WDR70: variants seen among roughly 807,000 people sequenced by gnomAD.
WDR70 encodes WD repeat domain 70.
In WDR70, 53 loss-of-function variants were observed where a neutral mutation model predicts 88.6. That is an observed-to-expected ratio of 0.60 (90% CI 0.48 to 0.75). The LOEUF is 0.75. Among genes scored for constraint, WDR70 ranks in the 30% least tolerant of loss-of-function variants. WDR70 has a pLI of 0.00. For synonymous variants in WDR70, 280 were observed against 270.0 expected, an observed-to-expected ratio of 1.04 and a Z score of -0.36; for missense variants, 610 against 823.2, an observed-to-expected ratio of 0.74 and a Z score of 3.17.
chr5:37,439,853 AT>A (rs1750600455), intron 6 of WDR70, among the ~76,000 whole-genome samples: 1 of 152,108 alleles, frequency 6.6e-6, no homozygotes, highest in Non-Finnish European at 1.5e-5. Context: ...ACCTGACTTC[AT>A]ATGATTTCAT....
rs1391701339 is a variant in WDR70, at chr5:37,428,027, C to A, written c.493-9895C>A. On this transcript the variant is annotated intron_variant, in intron 5 of 17. Transcript: ENST00000265107. ...TCCTCCTTTTTTTTTTTTTTCCCTG[C>A]TGTCTGGAAACCACAGCAGCCTTTT... is the stretch of plus-strand genomic sequence containing the variant. Among the ~76,000 whole-genome samples, 3 of 143,976 alleles carry A rather than the reference C, an allele frequency of 2.1e-5. No homozygotes were observed. In the East Asian group the frequency reaches 6.2e-4, roughly 30 times the overall value. 94.5% of individuals were successfully genotyped at this position (143,976 alleles called of 152,430 possible).
At chr5:37,539,142 C>T (rs1027425152) in intron 9 of WDR70, among the ~76,000 whole-genome samples, 2 of 152,196 alleles carry the variant, frequency 1.3e-5, no homozygotes, top group African/African-American at 2.4e-5. Flanking sequence ...GCTTTCGCCT[C>T]CATATCCAGC....
chr5:37,636,637 A>T (rs892222604), intron 10 of WDR70, among the ~76,000 whole-genome samples: 3 of 152,232 alleles, frequency 2.0e-5, no homozygotes, highest in African/African-American at 7.2e-5. Context: ...ATATGAAGGC[A>T]TAACAACACT....
At chr5:37,488,369 C>T (rs1256384781) in intron 8 of WDR70, among the ~76,000 whole-genome samples, 3 of 151,904 alleles carry the variant, frequency 2.0e-5, no homozygotes, top group Non-Finnish European at 2.9e-5. Flanking sequence ...AAGTTTTCAA[C>T]GATTATTTTA....
rs114368121 is a variant in WDR70, at chr5:37,653,050, C to T, written c.1093-44605C>T. On this transcript the variant is annotated intron_variant, in intron 10 of 17. Transcript: ENST00000265107. Reference sequence around the variant, plus strand: ...AAAGGGAATGCTTCCAGCTTTTTCCCGTTCAGTGTGATACTGGCTGTGAGT... The same window carrying T: ...AAAGGGAATGCTTCCAGCTTTTTCCTGTTCAGTGTGATACTGGCTGTGAGT... Among the ~76,000 whole-genome samples the T allele has an allele frequency of 8.3e-3, 1,258 of 152,198 alleles. 12 individuals carry two copies. The highest frequency in any genetic ancestry group is 0.021 in the African/African-American group (855 of 41,510).
chr5:37,721,483 C>T (rs776689169), intron 14 of WDR70: 13 of 478,596 alleles, frequency 2.7e-5, no homozygotes, highest in East Asian at 1.1e-4. Flanking sequence ...GGGGGAAAAA[C>T]GTTCTGCCCA....
intron 10 of WDR70, among the ~76,000 whole-genome samples, chr5:37,665,912 T>C (rs779368243): frequency 5.9e-5 from 9 of 152,146 alleles, no homozygotes; most frequent in Non-Finnish European, 8.8e-5. Context: ...CTCCTCTGCT[T>C]CCTCACCCTC....
chr5:37,598,998 G>C (rs1743784437), intron 9 of WDR70, among the ~76,000 whole-genome samples: 1 of 152,148 alleles, frequency 6.6e-6, no homozygotes, highest in East Asian at 1.9e-4. Context: ...CCGCATAAAT[G>C]CATCACAGAG....
rs538072929 is a variant in WDR70 at position 37,518,330 on chromosome 5, C to G, written c.917+1740C>G. 9.0e-4 allele frequency among the ~76,000 whole-genome samples: 136 copies of G among 151,878 alleles called. 1 individual carries two copies. The highest frequency in any genetic ancestry group is 3.2e-3 in the African/African-American group (131 of 41,416). Reference sequence around the variant, plus strand: ...CTATTTTTTTTTTTAACCCATTAACCATCCTTAACTCATTCCCATACTCCG... The same window carrying G: ...CTATTTTTTTTTTTAACCCATTAACGATCCTTAACTCATTCCCATACTCCG... On this transcript the variant is annotated intron_variant, in intron 9 of 17. Coordinates refer to ENST00000265107, the MANE Select transcript of WDR70 (RefSeq NM_018034.4).
intron 10 of WDR70, among the ~76,000 whole-genome samples, chr5:37,685,904 C>T (rs1407695265): frequency 1.3e-5 from 2 of 152,160 alleles, no homozygotes; most frequent in Non-Finnish European, 2.9e-5. Context: ...TTCCCAGCTT[C>T]CTCCCCCTTC....
intron 13 of WDR70, among the ~76,000 whole-genome samples, chr5:37,705,705 G>A (rs1449622575): frequency 3.3e-5 from 5 of 151,956 alleles, no homozygotes; most frequent in African/African-American, 1.2e-4. Context: ...AGAGCCAAAA[G>A]ACACCTCTTT....
chr5:37,466,477 C>A (rs185879043), intron 7 of WDR70, among the ~76,000 whole-genome samples: 2,983 of 151,914 alleles, frequency 0.02, 64 homozygotes, highest in African/African-American at 0.068. Context: ...GAGGCCGAGG[C>A]GGGCAGATCA....
At chr5:37,413,390 A>G (rs1749583994) in intron 5 of WDR70, among the ~76,000 whole-genome samples, 1 of 152,162 alleles carries the variant, frequency 6.6e-6, no homozygotes, top group Non-Finnish European at 1.5e-5. Flanking sequence ...ATTCTCTCAA[A>G]TATATTTAAA....
chr5:37,575,758 C>T (rs923284397), intron 9 of WDR70, among the ~76,000 whole-genome samples: 3 of 152,104 alleles, frequency 2.0e-5, no homozygotes, highest in African/African-American at 4.8e-5. Context: ...GTTCTGTGAG[C>T]CCTTATAGCA....
At position 37,380,648 on chromosome 5, in the gene WDR70, A is replaced by G. The variant is rs1748397617; in HGVS notation, c.92-954A>G. On this transcript the variant is annotated intron_variant, in intron 2 of 17. Coordinates refer to ENST00000265107, the MANE Select transcript of WDR70 (RefSeq NM_018034.4). ...TGAGCCACTGTGCCCAGCCTTTTCTATTCTTTTTTTATTTTTTGAGATGGA... is the reference window on the plus strand; with the variant it reads ...TGAGCCACTGTGCCCAGCCTTTTCTGTTCTTTTTTTATTTTTTGAGATGGA... 1.3e-5 allele frequency among the ~76,000 whole-genome samples: 2 copies of G among 151,022 alleles called. 1 individual carries two copies. Among genetic ancestry groups the G allele is most frequent in the South Asian group, 4.2e-4 (2 of 4,782 alleles).
chr5:37,719,990 G>T (rs1048052372), intron 13 of WDR70, among the ~76,000 whole-genome samples: 1 of 151,800 alleles, frequency 6.6e-6, no homozygotes, highest in Admixed American at 6.6e-5. Context: ...CTACAGGCGC[G>T]TGCCACCATG....
At chr5:37,587,663 C>T (rs1261317261) in intron 9 of WDR70, among the ~76,000 whole-genome samples, 1 of 152,078 alleles carries the variant, frequency 6.6e-6, no homozygotes, top group Non-Finnish European at 1.5e-5. Flanking sequence ...CACCAAGGTA[C>T]CTGGTTTGTG....
rs549273874 is a variant in WDR70 at position 37,456,539 on chromosome 5, C to CA, written c.686+13174dup. ...TTTTTTAAATAGAAAAAGTAGTTTC[C>CA]AAAAAAATTCCACTTTTGTAATATA... On this transcript the variant is annotated intron_variant, in intron 7 of 17. Coordinates refer to ENST00000265107, the MANE Select transcript of WDR70 (RefSeq NM_018034.4). Among the ~76,000 whole-genome samples the CA allele has an allele frequency of 2.6e-4, 40 of 151,938 alleles. No individual in the cohort carries two copies. In the South Asian group the frequency reaches 3.3e-3, roughly 13 times the overall value.
intron 10 of WDR70, among the ~76,000 whole-genome samples, chr5:37,663,612 C>T (rs145287662): frequency 1.6e-3 from 241 of 152,226 alleles, no homozygotes; most frequent in African/African-American, 5.2e-3. Context: ...CTCTGGTTTA[C>T]GTTACAACCC....
Sources: allele counts gnomAD v4.1 joint callset (sites outside exome capture counted in the v4.1 genomes callset), GRCh38; gene constraint gnomAD v4.1.1; transcripts MANE v1.5; gene names NCBI Gene and HGNC (gene_info 2026-07-23, HGNC 2026-07-21).